Variants in MON2 observed in about 807,000 individuals in gnomAD.
The protein encoded by MON2 is protein MON2 homolog.
A neutral mutation model predicts 208.6 loss-of-function variants in MON2; 84 were observed. That is an observed-to-expected ratio of 0.40 (90% CI 0.34 to 0.48). MON2 has a LOEUF of 0.48. Ranked by LOEUF, MON2 falls within the 20% of genes least tolerant of loss-of-function variation. The pLI is 0.59. For synonymous variants in MON2, 660 were observed against 694.0 expected, an observed-to-expected ratio of 0.95 and a Z score of 0.77; for missense variants, 1,611 against 2,015.4, an observed-to-expected ratio of 0.80 and a Z score of 3.84.
At position 62,592,676 on chromosome 12, in the gene MON2, T is replaced by G; in HGVS notation, c.5081T>G (p.Leu1694Arg). 6.2e-7 allele frequency: 1 copy of G among 1,611,396 alleles called. No homozygotes were observed. The highest frequency in any genetic ancestry group is 8.5e-7 in the Non-Finnish European group (1 of 1,178,008). The change falls in exon 35 of 35, where the codon CTT (leucine) becomes CGT (arginine). Residue 1694 changes from leucine to arginine, a missense_variant. Coordinates refer to ENST00000393630, the MANE Select transcript of MON2 (RefSeq NM_015026.3). ...TCTTCTTCAGAAGTCTGTTCTGCAC[T>G]TAAAGAGGCACTAGTTCCTTTTAAG... ...TCSSSEVCSALKEALVPFKDF... is the reference protein window; with the variant it reads ...TCSSSEVCSARKEALVPFKDF...
intron 25 of MON2, 28 bp downstream of exon 25, chr12:62,556,220 C>T: frequency 6.3e-7 from 1 of 1,597,038 alleles, no homozygotes; most frequent in East Asian, 2.2e-5. Context: ...TCTGATTATA[C>T]AAGTAATTAA....
At chr12:62,494,950 T>C in intron 3 of MON2, 66 bp from the exon 4 acceptor site, 7 of 1,216,810 alleles carry the variant, frequency 5.8e-6, no homozygotes, top group Non-Finnish European at 7.9e-6. Flanking sequence ...GTATACCTTC[T>C]CTTATTTAGG....
At chr12:62,588,833 C>G (rs755900495) in intron 34 of MON2, 2 of 1,392,178 alleles carry the variant, frequency 1.4e-6, no homozygotes, top group East Asian at 5.1e-5. Flanking sequence ...TTTTTTCAAC[C>G]TTTTGTTTAT....
chr12:62,481,668 C>A (rs748640674), intron 1 of MON2, among the ~76,000 whole-genome samples: 1 of 152,158 alleles, frequency 6.6e-6, no homozygotes, highest in Non-Finnish European at 1.5e-5. Context: ...AATAATCTTT[C>A]CCTGAAGTAA....
rs2136525968 is a variant in MON2 at position 62,593,338 on chromosome 12, A to T, written c.*589A>T. On this transcript the variant is annotated 3_prime_UTR_variant, in exon 35 of 35. Coordinates refer to ENST00000393630, the MANE Select transcript of MON2 (RefSeq NM_015026.3). ...ATGTTAAATGCTTAAAGCTCTATTT[A>T]TTATTAATACAAAATTGTTTGCTTA... 2 of 152,632 alleles carry T rather than the reference A, an allele frequency of 1.3e-5. No homozygotes were observed. Among genetic ancestry groups the T allele is most frequent in the South Asian group, 4.1e-4 (2 of 4,834 alleles). 9.5% of individuals were successfully genotyped at this position (152,632 alleles called of 1,614,324 possible).
intron 2 of MON2, among the ~76,000 whole-genome samples, chr12:62,484,460 T>C (rs192566290): frequency 5.2e-4 from 79 of 152,296 alleles, no homozygotes; most frequent in Non-Finnish European, 9.7e-4. Flanking sequence ...AGCTTAACAC[T>C]ACTGACTCCT....
At chr12:62,489,703 C>A (rs1049898270) in intron 2 of MON2, among the ~76,000 whole-genome samples, 3 of 152,018 alleles carry the variant, frequency 2.0e-5, no homozygotes, top group African/African-American at 7.2e-5. Context: ...GAACCAACAT[C>A]ATTTGTTAAA....
At chr12:62,539,892 C>G (rs2073156860) in intron 19 of MON2, among the ~76,000 whole-genome samples, 1 of 151,880 alleles carries the variant, frequency 6.6e-6, no homozygotes, top group Non-Finnish European at 1.5e-5. Flanking sequence ...TCAGTTGAAC[C>G]CAGGAGGCGG....
chr12:62,566,125 C>A, intron 28 of MON2, 94 bp downstream of exon 28: 1 of 1,413,090 alleles, frequency 7.1e-7, no homozygotes, highest in Non-Finnish European at 9.8e-7. Context: ...GTGCTTTTTC[C>A]AATAGTTTTA....
intron 1 of MON2, among the ~76,000 whole-genome samples, chr12:62,472,946 A>G (rs1388394288): frequency 1.3e-5 from 2 of 152,196 alleles, no homozygotes; most frequent in African/African-American, 4.8e-5. Context: ...TAAAAGACAT[A>G]TTCTCTAACT....
rs996854136 is a variant in MON2 at position 62,500,973 on chromosome 12, A to C, written c.663+93A>C. ...TTTTATGTCTAATTTTTTTAATGTG[A>C]ATTTTTTTGAAAATATGTCAAAGGT... is the stretch of plus-strand genomic sequence containing the variant. On this transcript the variant is annotated intron_variant, in intron 6 of 34. Transcript: ENST00000393630. 4 of 705,222 alleles carry C rather than the reference A, an allele frequency of 5.7e-6. No homozygotes were observed. In the African/African-American group the frequency reaches 7.5e-5, roughly 13 times the overall value. 43.7% of individuals were successfully genotyped at this position (705,222 alleles called of 1,614,324 possible).
intron 7 of MON2, among the ~76,000 whole-genome samples, chr12:62,508,072 T>C (rs1352844752): frequency 6.6e-6 from 1 of 152,190 alleles, no homozygotes; most frequent in Admixed American, 6.5e-5. Context: ...TGCTGGGCTC[T>C]GATGACTGTT....
At chr12:62,497,458 A>G (rs2136065665) in intron 4 of MON2, among the ~76,000 whole-genome samples, 1 of 152,256 alleles carries the variant, frequency 6.6e-6, no homozygotes. Context: ...ACAAATTAAA[A>G]CCATAAGGAA....
chr12:62,472,430 A>G (rs1479220272), intron 1 of MON2, among the ~76,000 whole-genome samples: 1 of 152,220 alleles, frequency 6.6e-6, no homozygotes, highest in Non-Finnish European at 1.5e-5. Flanking sequence ...TTTTTAAATG[A>G]TGCAGAATCA....
intron 30 of MON2, among the ~76,000 whole-genome samples, chr12:62,572,434 G>A (rs552952510): frequency 3.3e-5 from 5 of 152,220 alleles, no homozygotes; most frequent in East Asian, 3.9e-4. Context: ...AGTAATTATC[G>A]TTTGTGTTAC....
chr12:62,481,443 G>A (rs1348197888), intron 1 of MON2, among the ~76,000 whole-genome samples: 7 of 150,698 alleles, frequency 4.6e-5, no homozygotes, highest in Non-Finnish European at 8.9e-5. Flanking sequence ...GGAGAATGGC[G>A]TGAACCCGGG....
In MON2 at chr12:62,510,449, G is replaced by A. The variant is rs541893613; in HGVS notation, c.984+1969G>A. ...AGGATTCCACGCCATGACCAAGTGGGATCTATCCCTGGAATGTAAGGACGT... is the reference window on the plus strand; with the variant it reads ...AGGATTCCACGCCATGACCAAGTGGAATCTATCCCTGGAATGTAAGGACGT... On this transcript the variant is annotated intron_variant, in intron 8 of 34. Transcript: ENST00000393630. Among the ~76,000 whole-genome samples, 11 of 152,242 alleles carry A rather than the reference G, an allele frequency of 7.2e-5. No homozygotes were observed. In the South Asian group the frequency reaches 2.1e-3, roughly 29 times the overall value.
chr12:62,573,963 T>C (rs1242375954), intron 30 of MON2, among the ~76,000 whole-genome samples: 1 of 152,218 alleles, frequency 6.6e-6, no homozygotes, highest in Non-Finnish European at 1.5e-5. Context: ...ATACATTACT[T>C]AAGAAGCAGC....
intron 7 of MON2, 150 bp downstream of exon 7, chr12:62,501,848 G>A: frequency 1.3e-6 from 1 of 797,372 alleles, no homozygotes; most frequent in South Asian, 1.7e-5. Context: ...CACTTTGGGA[G>A]GCTGAGGTGG....
Sources: gnomAD v4.1 joint callset for allele counts (sites outside exome capture counted in the v4.1 genomes callset) on GRCh38, gnomAD v4.1.1 for gene constraint, MANE v1.5 for transcripts, NCBI Gene and HGNC (gene_info 2026-07-23, HGNC 2026-07-21) for gene names.